Variants in MGAT5B observed in about 807,000 individuals in gnomAD.
The protein encoded by MGAT5B is alpha-1,6-mannosylglycoprotein 6-beta-N-acetylglucosaminyltransferase B.
MGAT5B carries 54 observed loss-of-function variants against 95.1 expected under a neutral mutation model. The observed-to-expected ratio is 0.57, with a 90% CI of 0.46 to 0.71. MGAT5B has a LOEUF of 0.71. Among genes scored for constraint, MGAT5B ranks in the 30% least tolerant of loss-of-function variants. The probability of loss-of-function intolerance (pLI) is 0.00; values close to 1 mark genes in which losing one functional copy is unlikely to be tolerated. For missense variants in MGAT5B, 935 were observed against 1,088.6 expected (o/e 0.86, Z 1.99); for synonymous variants, 464 against 451.0 (o/e 1.03, Z -0.36).
chr17:76,946,368 T>G lies in MGAT5B; in HGVS notation c.1849-8T>G. Reference sequence around the variant, plus strand: ...CCCGCCCCATGTGTCTGCCCATCCCTCCCACAGGTAGACCCCTACCTACCC... The same window carrying G: ...CCCGCCCCATGTGTCTGCCCATCCCGCCCACAGGTAGACCCCTACCTACCC... On this transcript the variant is annotated splice_region_variant and splice_polypyrimidine_tract_variant and intron_variant, in intron 15 of 17. Transcript: ENST00000569840. 1 of 1,604,018 alleles carries G rather than the reference T, an allele frequency of 6.2e-7. No individual in the cohort carries two copies. The highest frequency in any genetic ancestry group is 8.5e-7 in the Non-Finnish European group (1 of 1,174,762).
At chr17:76,939,719 T>A (rs1235624132) in intron 13 of MGAT5B, among the ~76,000 whole-genome samples, 1 of 152,162 alleles carries the variant, frequency 6.6e-6, no homozygotes, top group Non-Finnish European at 1.5e-5. Flanking sequence ...TTGCCATCTT[T>A]ATGCCCATAA....
intron 16 of MGAT5B, 47 bp downstream of exon 16, chr17:76,946,497 G>A: frequency 6.7e-7 from 1 of 1,486,800 alleles, no homozygotes; most frequent in Non-Finnish European, 9.1e-7. Flanking sequence ...CAGACCAGAG[G>A]AGGGGGCTGA....
rs1468949068 is a variant in MGAT5B at position 76,950,107 on chromosome 17, C to G, written c.*1269C>G. The G allele has an allele frequency of 6.6e-6, 1 of 152,642 alleles. No homozygotes were observed. The highest frequency in any genetic ancestry group is 1.9e-4 in the East Asian group (1 of 5,154). 9.5% of individuals were successfully genotyped at this position (152,642 alleles called of 1,614,324 possible). Reference sequence around the variant, plus strand: ...TTTATAATCCCGCTCCCTCTCCAGGCAACCCCACCCACCAGCCTAGGCCTG... The same window carrying G: ...TTTATAATCCCGCTCCCTCTCCAGGGAACCCCACCCACCAGCCTAGGCCTG... On this transcript the variant is annotated 3_prime_UTR_variant, in exon 18 of 18. Coordinates refer to ENST00000569840, the MANE Select transcript of MGAT5B (RefSeq NM_001199172.2).
chr17:76,892,739 A>G (rs1471691443), intron 3 of MGAT5B, among the ~76,000 whole-genome samples: 1 of 152,252 alleles, frequency 6.6e-6, no homozygotes, highest in Admixed American at 6.5e-5. Context: ...CTGCTCTCCC[A>G]GCAACGATAT....
Position 76,938,218 on chromosome 17 carries a change from C to A in MGAT5B, c.1584+75C>A. 2 of 1,550,968 alleles carry A rather than the reference C, an allele frequency of 1.3e-6. No individual in the cohort carries two copies. The highest frequency in any genetic ancestry group is 1.8e-6 in the Non-Finnish European group (2 of 1,134,718). On this transcript the variant is annotated intron_variant, in intron 13 of 17. Transcript: ENST00000569840. This position sits in a 1 kb window ranked among gnomAD's most constrained non-coding sequence, Gnocchi z 4.3. ...TGAGGTCACCACCCATGCCTGCCAC[C>A]ACCACTCAGGCCCCTTCCACATATG...
At chr17:76,933,325 C>G in intron 12 of MGAT5B, 28 bp downstream of exon 12, 1 of 1,598,194 alleles carries the variant, frequency 6.3e-7, no homozygotes, top group Non-Finnish European at 8.5e-7. Flanking sequence ...CGCCTGCCCC[C>G]TCTACCCTCT....
At position 76,869,507 on chromosome 17, in the gene MGAT5B, G is replaced by A. The variant is rs949245219; in HGVS notation, c.68+410G>A. ...TGCGGCGCCTTGGAGCTCCCCCTCC[G>A]GTCCCTCCCGTCCCGCCCGTCTGCC... On this transcript the variant is annotated intron_variant, in intron 1 of 17. Transcript: ENST00000569840. This position sits in a 1 kb window ranked among gnomAD's most constrained non-coding sequence, Gnocchi z 7.0. 6.6e-5 allele frequency among the ~76,000 whole-genome samples: 10 copies of A among 152,180 alleles called. No homozygotes were observed. The highest frequency in any genetic ancestry group is 2.4e-4 in the African/African-American group (10 of 41,512).
Position 76,949,372 on chromosome 17 carries a change from G to A in MGAT5B, c.*534G>A, listed in dbSNP as rs778450285. 1.9e-4 allele frequency: 30 copies of A among 155,192 alleles called. No individual in the cohort carries two copies. Among genetic ancestry groups the A allele is most frequent in the Admixed American group, 4.4e-4 (7 of 15,764 alleles). The allele number at this position is 155,192 out of a possible 1,614,324, so 9.6% of individuals were successfully genotyped here. ...GGGGCTCGCCCTTCTCCTGTGAGGG[G>A]AGCCAGGCACACAGGGCCCATTGGT... On this transcript the variant is annotated 3_prime_UTR_variant, in exon 18 of 18. Transcript: ENST00000569840.
chr17:76,898,338 T>A (rs568863099), intron 3 of MGAT5B, among the ~76,000 whole-genome samples: 75 of 151,308 alleles, frequency 5.0e-4, no homozygotes, highest in East Asian at 1.6e-3. Context: ...TTTTATTTTT[T>A]TTTTTTTTTG....
rs769794125 is a variant in MGAT5B, at chr17:76,889,787, C to T, written c.329+7489C>T. ...GGCCTGCACTGTTGTCACAGCCCCACGGTGCCGAGAGCCGGACCAACCACA... is the reference window on the plus strand; with the variant it reads ...GGCCTGCACTGTTGTCACAGCCCCATGGTGCCGAGAGCCGGACCAACCACA... On this transcript the variant is annotated intron_variant, in intron 3 of 17. Transcript: ENST00000569840. The surrounding 1 kb of genome is among the most constrained non-coding windows in gnomAD (Gnocchi z 4.4). 1.1e-4 allele frequency among the ~76,000 whole-genome samples: 16 copies of T among 152,174 alleles called. No individual in the cohort carries two copies. Among genetic ancestry groups the T allele is most frequent in the Non-Finnish European group, 2.4e-4 (16 of 68,028 alleles).
chr17:76,919,453 C>T (rs529167238), intron 8 of MGAT5B, among the ~76,000 whole-genome samples: 102 of 152,164 alleles, frequency 6.7e-4, no homozygotes, highest in African/African-American at 2.4e-3. Flanking sequence ...TTTTTAAGAC[C>T]GGGTCTCACT....
At chr17:76,891,261 A>C (rs1967857425) in intron 3 of MGAT5B, among the ~76,000 whole-genome samples, 1 of 151,936 alleles carries the variant, frequency 6.6e-6, no homozygotes, top group Admixed American at 6.6e-5. Flanking sequence ...CACTGTGCCC[A>C]GTCAGGGGCC....
chr17:76,890,781 G>A (rs780766537), intron 3 of MGAT5B, among the ~76,000 whole-genome samples: 2 of 152,136 alleles, frequency 1.3e-5, no homozygotes, highest in Admixed American at 6.5e-5. Flanking sequence ...TGGATTACAG[G>A]TGTGAGTCAC....
intron 8 of MGAT5B, among the ~76,000 whole-genome samples, chr17:76,911,538 C>A (rs931239580): frequency 6.6e-6 from 1 of 152,198 alleles, no homozygotes; most frequent in Admixed American, 6.5e-5. Context: ...CACGTGGGAA[C>A]CTGCTGGCCT....
intron 8 of MGAT5B, among the ~76,000 whole-genome samples, chr17:76,919,818 C>T (rs188306449): frequency 2.6e-5 from 4 of 152,242 alleles, no homozygotes; most frequent in African/African-American, 9.6e-5. Context: ...TGGCAAAGCA[C>T]ACTCGCATTG....
chr17:76,932,092 C>CG, intron 10 of MGAT5B, among the ~76,000 whole-genome samples: 1 of 138,264 alleles, frequency 7.2e-6, no homozygotes, highest in South Asian at 2.7e-4. Flanking sequence ...TCCTCCCCCC[C>CG]CCCTTCTTCG....
At position 76,934,925 on chromosome 17, in the gene MGAT5B, G is replaced by A. The variant is rs75042916; in HGVS notation, c.1428+1628G>A. On this transcript the variant is annotated intron_variant, in intron 12 of 17. Transcript: ENST00000569840. ...GGGATCAGGTGGCCGAGAAGCAGAG[G>A]AGGAAGGAGGGGAGATGGAAGGTCA... 6.8e-3 allele frequency among the ~76,000 whole-genome samples: 1,028 copies of A among 152,254 alleles called. 6 individuals are homozygous for A. The highest frequency in any genetic ancestry group is 0.011 in the Non-Finnish European group (780 of 68,018).
Position 76,947,955 on chromosome 17 carries a change from G to GC in MGAT5B, c.2055dup (p.Ala686ArgfsTer27), listed in dbSNP as rs781189214. 3 of 1,612,180 alleles carry GC rather than the reference G, an allele frequency of 1.9e-6. No homozygotes were observed. The highest frequency in any genetic ancestry group is 1.7e-5 in the Admixed American group (1 of 59,866). ...ACACCAGCTTGGCTCCTGGGGCCTGGCCCCCCGCGCACGCCCTGCGGGCCT... is the reference window on the plus strand; with the variant it reads ...ACACCAGCTTGGCTCCTGGGGCCTGGCCCCCCCGCGCACGCCCTGCGGGCCT... On this transcript the variant is annotated frameshift_variant, in exon 17 of 18. Transcript: ENST00000569840. LOFTEE classifies it high-confidence loss of function.
rs376585434 is a variant in MGAT5B at position 76,916,245 on chromosome 17, C to T, written c.1026-8721C>T. ...GAGAGACCCTTCCTTGCAAGGGCCT[C>T]GCCTCCCCTCATGCTCCACGCGCTG... On this transcript the variant is annotated intron_variant, in intron 8 of 17. Transcript: ENST00000569840. This position sits in a 1 kb window ranked among gnomAD's most constrained non-coding sequence, Gnocchi z 5.3. Among the ~76,000 whole-genome samples, 24 of 152,190 alleles carry T rather than the reference C, an allele frequency of 1.6e-4. No individual in the cohort carries two copies. The highest frequency in any genetic ancestry group is 5.6e-4 in the African/African-American group (23 of 41,414).
Sources: gnomAD v4.1 joint callset for allele counts (sites outside exome capture counted in the v4.1 genomes callset) on GRCh38, gnomAD v4.1.1 for gene constraint, Gnocchi (gnomAD v3.1) non-coding constraint, MANE v1.5 for transcripts, NCBI Gene and HGNC (gene_info 2026-07-23, HGNC 2026-07-21) for gene names.